GPBP1L1: variants seen among roughly 807,000 people sequenced by gnomAD.
GPBP1L1 encodes GC-rich promoter binding protein 1 like 1.
GPBP1L1 carries 23 observed loss-of-function variants against 52.5 expected under a neutral mutation model. The observed-to-expected ratio is 0.44, with a 90% CI of 0.32 to 0.62. The LOEUF (loss-of-function observed/expected upper bound fraction) is 0.62, where lower values mean the gene tolerates loss of function less well. GPBP1L1 is among the 20% of genes least tolerant of loss of function. The pLI is 0.06. For missense variants in GPBP1L1, 596 were observed against 579.3 expected (o/e 1.03, Z -0.30); for synonymous variants, 243 against 203.1 (o/e 1.20, Z -1.67).
Position 45,634,245 on chromosome 1 carries a change from G to A in GPBP1L1, c.745-9C>T. The A allele has an allele frequency of 6.3e-7, 1 of 1,599,380 alleles. No homozygotes were observed. The highest frequency in any genetic ancestry group is 8.5e-7 in the Non-Finnish European group (1 of 1,171,480). ...GCTTTCCATGCATTAGGCTACACAG[G>A]GTGAAAGAACAAATCAGTCAGAACA... On this transcript the variant is annotated splice_polypyrimidine_tract_variant and intron_variant, in intron 8 of 12. Coordinates refer to ENST00000355105, the MANE Select transcript of GPBP1L1 (RefSeq NM_021639.5).
intron 2 of GPBP1L1, among the ~76,000 whole-genome samples, chr1:45,684,436 T>C (rs767163488): frequency 6.6e-6 from 1 of 152,008 alleles, no homozygotes; most frequent in African/African-American, 2.4e-5. Context: ...AACTCAAAAT[T>C]AAAAATGAAT....
At chr1:45,646,679 T>G (rs1045808610) in intron 6 of GPBP1L1, among the ~76,000 whole-genome samples, 1 of 151,864 alleles carries the variant, frequency 6.6e-6, no homozygotes, top group East Asian at 1.9e-4. Context: ...CCTCACAGCC[T>G]CCCGAGTAGC....
At chr1:45,667,291 A>C (rs956783655) in intron 2 of GPBP1L1, among the ~76,000 whole-genome samples, 3 of 152,176 alleles carry the variant, frequency 2.0e-5, no homozygotes, top group Non-Finnish European at 4.4e-5. Context: ...TTCAGATTAC[A>C]TAAGTACTTT....
At chr1:45,646,221 G>C (rs1041787538) in intron 6 of GPBP1L1, 5 of 268,668 alleles carry the variant, frequency 1.9e-5, no homozygotes, top group African/African-American at 6.9e-5. Flanking sequence ...AACAATGCCG[G>C]AAAGAGCAAT....
intron 4 of GPBP1L1, 48 bp from the exon 5 acceptor site, chr1:45,655,367 C>T (rs1326183367): frequency 1.3e-6 from 2 of 1,591,902 alleles, no homozygotes; most frequent in Admixed American, 1.7e-5. Flanking sequence ...AGCTATTAGT[C>T]CTTTTCAATA....
intron 9 of GPBP1L1, 117 bp from the exon 10 acceptor site, chr1:45,633,764 C>G (rs1203122223): frequency 8.4e-6 from 9 of 1,076,552 alleles, no homozygotes; most frequent in South Asian, 4.9e-5. Flanking sequence ...TGTCTTAAAC[C>G]AAACAATCCT....
At chr1:45,666,878 G>A (rs1645016670) in intron 2 of GPBP1L1, among the ~76,000 whole-genome samples, 1 of 152,162 alleles carries the variant, frequency 6.6e-6, no homozygotes. Context: ...AAAAGGAAAT[G>A]AAGTACTGAT....
intron 6 of GPBP1L1, among the ~76,000 whole-genome samples, chr1:45,647,139 T>C (rs901794544): frequency 6.7e-6 from 1 of 148,450 alleles, no homozygotes; most frequent in Non-Finnish European, 1.5e-5. Context: ...TCCCAGATGA[T>C]TTTTTTTTTT....
rs146887105 is a variant in GPBP1L1 at position 45,669,411 on chromosome 1, A to G, written c.-1097-8186T>C. Among the ~76,000 whole-genome samples the G allele has an allele frequency of 2.1e-3, 315 of 152,360 alleles. 2 individuals are homozygous for G. Among genetic ancestry groups the G allele is most frequent in the African/African-American group, 6.8e-3 (281 of 41,586 alleles). On this transcript the variant is annotated intron_variant, in intron 2 of 12. Transcript: ENST00000355105. The stretch of plus-strand genomic sequence containing the variant: ...AGGGGCCCTTCTGCCTCAGCCTCCC[A>G]AAGTGCTAGAATTGTAGGTGTGAGC...
In GPBP1L1 at chr1:45,628,962, A is replaced by G. The variant is rs117069080; in HGVS notation, c.1273-554T>C. ...CAGGCGTGAGCCACTGTGCCCAGCCATAAGTCCTTATTTCTAACAGAGTTC... is the reference window on the plus strand; with the variant it reads ...CAGGCGTGAGCCACTGTGCCCAGCCGTAAGTCCTTATTTCTAACAGAGTTC... On this transcript the variant is annotated intron_variant, in intron 12 of 12. Transcript: ENST00000355105. 3.7e-3 allele frequency among the ~76,000 whole-genome samples: 561 copies of G among 152,298 alleles called. 5 individuals are homozygous for G. Among genetic ancestry groups the G allele is most frequent in the East Asian group, 0.029 (149 of 5,180 alleles).
chr1:45,665,735 C>T (rs1050196345), intron 2 of GPBP1L1, among the ~76,000 whole-genome samples: 2 of 113,934 alleles, frequency 1.8e-5, no homozygotes, highest in African/African-American at 3.5e-5. Flanking sequence ...CAGAGCGAGA[C>T]GCCGTCTTAA....
intron 2 of GPBP1L1, among the ~76,000 whole-genome samples, chr1:45,669,655 C>G (rs905800061): frequency 6.6e-6 from 1 of 150,726 alleles, no homozygotes. Context: ...GAGAAAATGA[C>G]TAAGTAACAT....
intron 8 of GPBP1L1, chr1:45,635,376 G>A (rs953439299): frequency 6.6e-6 from 1 of 152,162 alleles, no homozygotes; most frequent in African/African-American, 2.4e-5. Context: ...ATGGTTGCTT[G>A]TGTCAGGTTA....
chr1:45,659,486 C>T (rs1444227451), intron 3 of GPBP1L1, among the ~76,000 whole-genome samples: 1 of 152,180 alleles, frequency 6.6e-6, no homozygotes, highest in African/African-American at 2.4e-5. Context: ...GTGTGAGTCA[C>T]TGCGCCCAGT....
Position 45,660,260 on chromosome 1 carries a change from A to C in GPBP1L1, c.-132T>G, listed in dbSNP as rs1644933157. On this transcript the variant is annotated 5_prime_UTR_variant, in exon 3 of 13. Transcript: ENST00000355105. ...GATCTCCCACAAGGTTTCCTTGTTAAAAGGGTGCTTAAGTAACCTGGCCGG... is the reference window on the plus strand; with the variant it reads ...GATCTCCCACAAGGTTTCCTTGTTACAAGGGTGCTTAAGTAACCTGGCCGG... 1 of 985,210 alleles carries C rather than the reference A, an allele frequency of 1.0e-6. No individual in the cohort carries two copies. Among genetic ancestry groups the C allele is most frequent in the Admixed American group, 6.2e-5 (1 of 16,246 alleles). The allele number at this position is 985,210 out of a possible 1,614,324, so 61.0% of individuals were successfully genotyped here. A position where few individuals can be genotyped will look rare whatever the true frequency, so the allele number is the denominator to read the frequency against.
intron 6 of GPBP1L1, among the ~76,000 whole-genome samples, chr1:45,649,454 C>CT (rs145402694): frequency 5.3e-4 from 77 of 146,302 alleles, no homozygotes; most frequent in East Asian, 8.0e-4. Flanking sequence ...TAATCTGGAG[C>CT]TTTTTTTTTT....
intron 2 of GPBP1L1, among the ~76,000 whole-genome samples, chr1:45,663,855 A>G (rs1644976362): frequency 6.6e-6 from 1 of 152,184 alleles, no homozygotes; most frequent in African/African-American, 2.4e-5. Context: ...GATGTCTTTT[A>G]GGGCTGTGGC....
chr1:45,635,216 C>T (rs1474541559), intron 8 of GPBP1L1: 2 of 152,172 alleles, frequency 1.3e-5, no homozygotes, highest in Non-Finnish European at 1.5e-5. Flanking sequence ...GGAAGTTCCA[C>T]AATTTGTTCA....
At chr1:45,685,867 G>A (rs1267264199) in intron 1 of GPBP1L1, among the ~76,000 whole-genome samples, 2 of 152,122 alleles carry the variant, frequency 1.3e-5, no homozygotes, top group African/African-American at 4.8e-5. Context: ...CCAAGGAAAG[G>A]AGGTTGGTAG....
Sources: gnomAD v4.1 joint callset for allele counts (sites outside exome capture counted in the v4.1 genomes callset) on GRCh38, gnomAD v4.1.1 for gene constraint, MANE v1.5 for transcripts, NCBI Gene and HGNC (gene_info 2026-07-23, HGNC 2026-07-21) for gene names.